ATP8A1: variants seen among roughly 807,000 people sequenced by gnomAD.
ATP8A1 encodes ATPase phospholipid transporting 8A1.
A neutral mutation model predicts 177.7 loss-of-function variants in ATP8A1; 90 were observed. That is an observed-to-expected ratio of 0.51 (90% CI 0.43 to 0.60). ATP8A1 has a LOEUF of 0.60. Among genes scored for constraint, ATP8A1 ranks in the 20% least tolerant of loss-of-function variants. The pLI, the probability that ATP8A1 is intolerant of heterozygous loss-of-function variation, is 0.00. For synonymous variants in ATP8A1, 493 were observed against 485.9 expected (o/e 1.01, Z -0.19); for missense variants, 1,072 against 1,392.8 (o/e 0.77, Z 3.67).
intron 1 of ATP8A1, among the ~76,000 whole-genome samples, chr4:42,650,027 T>C (rs544120011): frequency 1.3e-5 from 2 of 152,330 alleles, no homozygotes; most frequent in South Asian, 2.1e-4. Flanking sequence ...GTGGCCTTCA[T>C]GTCATTGACA....
rs750206508 is a variant in ATP8A1, at chr4:42,423,676, A to G, written c.3153T>C (p.Phe1051=). ...CAGGGATGAATAACAAGCCCATCCA[A>G]AAGACTCCAGAACTGAACAACATGG... ...EAAMLFSSGV[F]WMGLLFIPVA... Residue 1051 remains phenylalanine, a synonymous_variant, in exon 34 of 37, where the codon TTT becomes TTC. Transcript: ENST00000381668. The G allele has an allele frequency of 2.3e-5, 37 of 1,612,772 alleles. No homozygotes were observed. The highest frequency in any genetic ancestry group is 8.4e-5 in the Admixed American group (5 of 59,860).
chr4:42,444,865 T>G (rs911752599), intron 31 of ATP8A1, among the ~76,000 whole-genome samples: 4 of 152,190 alleles, frequency 2.6e-5, no homozygotes, highest in Admixed American at 1.3e-4. Flanking sequence ...CTTCCTTGCC[T>G]CTCCCTCACC....
Position 42,507,078 on chromosome 4 carries a change from A to T in ATP8A1, c.2024T>A (p.Met675Lys), listed in dbSNP as rs563285062. 1 of 1,613,964 alleles carries T rather than the reference A, an allele frequency of 6.2e-7. No individual in the cohort carries two copies. Among genetic ancestry groups the T allele is most frequent in the Non-Finnish European group, 8.5e-7 (1 of 1,179,948 alleles). Residue 675 changes from methionine (M) to lysine (K), a missense_variant, in exon 23 of 37, where the codon ATG becomes AAG. Met to Lys is a moderately conservative substitution (Grantham distance 95). Around this residue, in one of 5 missense-constraint regions of ATP8A1, gnomAD observed 388 missense variants for 471.7 expected, o/e 0.82. Transcript: ENST00000381668. ...GATCCAGATTTTGATGTCTGCTTTC[A>T]TTAGCGTTTCTATGGTTTCAGGCAC... ...DQVPETIETL[M>K]KADIKIWILT...
intron 22 of ATP8A1, among the ~76,000 whole-genome samples, chr4:42,507,609 A>T (rs1251724237): frequency 2.0e-5 from 3 of 151,490 alleles, no homozygotes; most frequent in Non-Finnish European, 4.4e-5. Flanking sequence ...TGTGCCTGTA[A>T]TTCTAGCTAC....
intron 22 of ATP8A1, among the ~76,000 whole-genome samples, chr4:42,515,320 T>C (rs1288706318): frequency 6.6e-6 from 1 of 152,240 alleles, no homozygotes; most frequent in African/African-American, 2.4e-5. Context: ...CTACTAAGAA[T>C]AGATGTGGTA....
At chr4:42,478,790 T>C (rs997082941) in intron 25 of ATP8A1, among the ~76,000 whole-genome samples, 14 of 152,194 alleles carry the variant, frequency 9.2e-5, no homozygotes, top group Non-Finnish European at 5.9e-5. Context: ...TAAGTATGTA[T>C]TGACACCTCA....
At chr4:42,627,605 A>ATTTT (rs1224883029) in intron 1 of ATP8A1, among the ~76,000 whole-genome samples, 2 of 152,152 alleles carry the variant, frequency 1.3e-5, no homozygotes, top group Non-Finnish European at 2.9e-5. Context: ...ATCATCACCT[A>ATTTT]TTTTTTTCTC....
chr4:42,572,696 A>G (rs1470028174), intron 14 of ATP8A1, among the ~76,000 whole-genome samples: 1 of 152,362 alleles, frequency 6.6e-6, no homozygotes, highest in African/African-American at 2.4e-5. Flanking sequence ...ATTTCGGCTT[A>G]TACAGTTAAA....
At chr4:42,647,876 T>C (rs1740698473) in intron 1 of ATP8A1, among the ~76,000 whole-genome samples, 2 of 152,312 alleles carry the variant, frequency 1.3e-5, no homozygotes, top group Admixed American at 6.5e-5. Flanking sequence ...CATCAGCAGA[T>C]AGAAATGAAC....
At chr4:42,607,452 ACAC>A (rs1307942479) in intron 5 of ATP8A1, among the ~76,000 whole-genome samples, 2 of 152,188 alleles carry the variant, frequency 1.3e-5, no homozygotes, top group African/African-American at 2.4e-5. Context: ...ATGAAAATAA[ACAC>A]CACCACATGT....
chr4:42,553,032 A>T (rs1195710705), intron 16 of ATP8A1, among the ~76,000 whole-genome samples: 1 of 152,212 alleles, frequency 6.6e-6, no homozygotes, highest in Non-Finnish European at 1.5e-5. Context: ...CCCCATAAAA[A>T]CATAGCTGTT....
intron 1 of ATP8A1, among the ~76,000 whole-genome samples, chr4:42,647,396 T>C (rs1740644092): frequency 6.6e-6 from 1 of 152,090 alleles, no homozygotes; most frequent in Non-Finnish European, 1.5e-5. Flanking sequence ...CATGAAATAG[T>C]ACAAATTGAG....
intron 25 of ATP8A1, among the ~76,000 whole-genome samples, chr4:42,466,456 C>T (rs1387798558): frequency 6.6e-6 from 1 of 152,118 alleles, no homozygotes; most frequent in Non-Finnish European, 1.5e-5. Context: ...CTTCAGGAGG[C>T]CCCACTGCCC....
chr4:42,548,872 T>C (rs1213766267), intron 19 of ATP8A1, 141 bp downstream of exon 19: 1 of 664,264 alleles, frequency 1.5e-6, no homozygotes. Context: ...AAAAATGTAC[T>C]AAAGATTTTG....
intron 25 of ATP8A1, among the ~76,000 whole-genome samples, chr4:42,466,623 G>A (rs1005000216): frequency 3.3e-5 from 5 of 152,080 alleles, no homozygotes; most frequent in African/African-American, 7.2e-5. Flanking sequence ...GTTGCTATAC[G>A]AAAAAACCAT....
intron 4 of ATP8A1, among the ~76,000 whole-genome samples, chr4:42,621,493 A>G (rs1737460188): frequency 6.6e-6 from 1 of 152,260 alleles, no homozygotes; most frequent in South Asian, 2.1e-4. Context: ...AGAATAAAAT[A>G]CCTAGGAATA....
chr4:42,640,122 C>A (rs912058997), intron 1 of ATP8A1, among the ~76,000 whole-genome samples: 5 of 152,140 alleles, frequency 3.3e-5, no homozygotes, highest in Admixed American at 6.5e-5. Context: ...GAAGATGGAT[C>A]ATAAAGATCA....
rs1560335169 is a variant in ATP8A1 at position 42,448,392 on chromosome 4, C to CTTACTTTACTTTTTTTTTT, written c.2897-1749_2897-1748insAAAAAAAAAAGTAAAGTAA. 1.6e-3 allele frequency among the ~76,000 whole-genome samples: 31 copies of CTTACTTTACTTTTTTTTTT among 19,924 alleles called. 1 individual carries two copies. Among genetic ancestry groups the CTTACTTTACTTTTTTTTTT allele is most frequent in the African/African-American group, 2.5e-3 (31 of 12,382 alleles). The allele number at this position is 19,924 out of a possible 152,430, so 13.1% of individuals were successfully genotyped here. A position where few individuals can be genotyped will look rare whatever the true frequency, so the allele number is the denominator to read the frequency against. On this transcript the variant is annotated intron_variant, in intron 30 of 36. Coordinates refer to ENST00000381668, the MANE Select transcript of ATP8A1 (RefSeq NM_006095.2). ...ACAAGTAGCCTCCCTCCCTCCTTCTCTTTCTTTTCTTTTTTTTTTTTTTGA... is the reference window on the plus strand; with the variant it reads ...ACAAGTAGCCTCCCTCCCTCCTTCTCTTACTTTACTTTTTTTTTTTTTCTTTTCTTTTTTTTTTTTTTGA...
intron 5 of ATP8A1, 53 bp from the exon 6 acceptor site, chr4:42,600,571 C>T (rs866150837): frequency 1.3e-6 from 2 of 1,516,638 alleles, no homozygotes; most frequent in Non-Finnish European, 9.0e-7. Context: ...ATGAAAAGGC[C>T]ATTTCTGATG....
Sources: gnomAD v4.1 joint callset for allele counts (sites outside exome capture counted in the v4.1 genomes callset) on GRCh38, gnomAD v4.1.1 for gene constraint, gnomAD v4.1.1 regional missense constraint, MANE v1.5 for transcripts, NCBI Gene and HGNC (gene_info 2026-07-23, HGNC 2026-07-21) for gene names.